The following CYTH3 variants were observed in gnomAD, a reference collection of about 807,000 sequenced individuals.
CYTH3 encodes the protein cytohesin-3.
A neutral mutation model predicts 55.1 loss-of-function variants in CYTH3; 23 were observed. The observed-to-expected ratio is 0.42, with a 90% confidence interval of 0.30 to 0.59. The LOEUF is 0.59. Ranked by LOEUF, CYTH3 falls within the 20% of genes least tolerant of loss-of-function variation. CYTH3 has a pLI of 0.20. For missense variants in CYTH3, 413 were observed against 524.8 expected (o/e 0.79, Z 2.08); for synonymous variants, 249 against 194.9 (o/e 1.28, Z -2.31).
At chr7:6,259,367 T>G (rs1780218659) in intron 1 of CYTH3, among the ~76,000 whole-genome samples, 1 of 152,148 alleles carries the variant, frequency 6.6e-6, no homozygotes, top group Admixed American at 6.5e-5. Flanking sequence ...ACTTTTATTC[T>G]CTCCTATTTG....
At chr7:6,262,709 A>T (rs1222281949) in intron 1 of CYTH3, among the ~76,000 whole-genome samples, 2 of 152,208 alleles carry the variant, frequency 1.3e-5, no homozygotes, top group African/African-American at 4.8e-5. Context: ...AAAAACTGCA[A>T]TAAATTAACT....
At chr7:6,215,079 T>C (rs1290237301) in intron 1 of CYTH3, among the ~76,000 whole-genome samples, 1 of 152,200 alleles carries the variant, frequency 6.6e-6, no homozygotes, top group Non-Finnish European at 1.5e-5. Context: ...CTCTGAGAAT[T>C]CTGTTACTTC....
At chr7:6,243,785 T>A (rs1254241213) in intron 1 of CYTH3, among the ~76,000 whole-genome samples, 1 of 152,182 alleles carries the variant, frequency 6.6e-6, no homozygotes, top group Non-Finnish European at 1.5e-5. Context: ...TGTCTTAAAG[T>A]AACTAACACC....
At chr7:6,242,862 G>A (rs368530958) in intron 1 of CYTH3, among the ~76,000 whole-genome samples, 18 of 152,206 alleles carry the variant, frequency 1.2e-4, no homozygotes, top group African/African-American at 4.3e-4. Context: ...GGCAGTCCCT[G>A]TGCTGGGACC....
chr7:6,226,185 G>T (rs1215737238), intron 1 of CYTH3, among the ~76,000 whole-genome samples: 5 of 152,020 alleles, frequency 3.3e-5, no homozygotes, highest in Non-Finnish European at 7.4e-5. Flanking sequence ...AAAACTGAAG[G>T]GCTCTGAGAG....
intron 1 of CYTH3, among the ~76,000 whole-genome samples, chr7:6,260,052 C>T (rs987377201): frequency 6.7e-6 from 1 of 150,370 alleles, no homozygotes; most frequent in Non-Finnish European, 1.5e-5. Context: ...TGGTGTGGAA[C>T]TCCCAACCTC....
chr7:6,250,298 G>C (rs949233844), intron 1 of CYTH3, among the ~76,000 whole-genome samples: 2 of 152,134 alleles, frequency 1.3e-5, no homozygotes, highest in African/African-American at 2.4e-5. Flanking sequence ...CAATAGCAAG[G>C]ATTTGATGTG....
intron 1 of CYTH3, among the ~76,000 whole-genome samples, chr7:6,240,554 G>T (rs923926799): frequency 6.6e-6 from 1 of 152,100 alleles, no homozygotes; most frequent in African/African-American, 2.4e-5. Flanking sequence ...GACTCAGATG[G>T]TACTTTAATA....
intron 1 of CYTH3, among the ~76,000 whole-genome samples, chr7:6,261,587 G>A (rs761735712): frequency 1.3e-5 from 2 of 149,536 alleles, no homozygotes; most frequent in African/African-American, 4.9e-5. Context: ...ATGGTGGCAT[G>A]TGCCTGTAGT....
intron 4 of CYTH3, among the ~76,000 whole-genome samples, chr7:6,180,130 T>C (rs1783469396): frequency 6.6e-6 from 1 of 152,146 alleles, no homozygotes; most frequent in Non-Finnish European, 1.5e-5. Context: ...CAGGACACCC[T>C]GAGGGATCAC....
chr7:6,165,227 C>T lies in CYTH3; in HGVS notation c.1127+46G>A, dbSNP rs199632916. 188 of 1,582,092 alleles carry T rather than the reference C, an allele frequency of 1.2e-4. No homozygotes were observed. The Admixed American group carries it at 2.0e-3, about 17-fold the overall frequency. On this transcript the variant is annotated intron_variant, in intron 12 of 12. Transcript: ENST00000350796. ...TCCAGACCATCCCCCGCCCTCCAAC[C>T]GGCACGAGAAGACGGGCCTGGCCCC... is the stretch of plus-strand genomic sequence containing the variant.
At position 6,179,713 on chromosome 7, in the gene CYTH3, CCCACACA is replaced by C. The variant is rs1348796363; in HGVS notation, c.250-1779_250-1773del. ...CCCCACACACACACCCCACACACAC[CCCACACA>C]CCACACACACACACCCACCACACAC... On this transcript the variant is annotated intron_variant, in intron 4 of 12. Transcript: ENST00000350796. 1.5e-4 allele frequency among the ~76,000 whole-genome samples: 16 copies of C among 107,292 alleles called. No individual in the cohort carries two copies. In the East Asian group the frequency reaches 2.6e-3, roughly 17 times the overall value. 70.4% of individuals were successfully genotyped at this position (107,292 alleles called of 152,430 possible).
rs146958830 is a variant in CYTH3 at position 6,230,627 on chromosome 7, C to T, written c.35-40096G>A. Among the ~76,000 whole-genome samples the T allele has an allele frequency of 1.4e-3, 215 of 152,290 alleles. 2 individuals are homozygous for T. The highest frequency in any genetic ancestry group is 4.9e-3 in the African/African-American group (205 of 41,550). ...CCACAATACTAGACACAGCAAGTTT[C>T]ATGCCACGGATCCAATGCAGCCACA... On this transcript the variant is annotated intron_variant, in intron 1 of 12. Transcript: ENST00000350796.
At chr7:6,259,796 TA>T (rs1253319817) in intron 1 of CYTH3, among the ~76,000 whole-genome samples, 31 of 21,814 alleles carry the variant, frequency 1.4e-3, no homozygotes, top group African/African-American at 0.013. Flanking sequence ...TATATATATA[TA>T]TATATATATA....
chr7:6,240,062 T>A (rs961480681), intron 1 of CYTH3, among the ~76,000 whole-genome samples: 1 of 152,130 alleles, frequency 6.6e-6, no homozygotes, highest in Non-Finnish European at 1.5e-5. Context: ...TCCCAGCACT[T>A]TGGGAGGCCA....
At chr7:6,270,848 G>C (rs907698698) in intron 1 of CYTH3, among the ~76,000 whole-genome samples, 1 of 152,074 alleles carries the variant, frequency 6.6e-6, no homozygotes, top group Non-Finnish European at 1.5e-5. Context: ...CAAATTGCTG[G>C]AGCACATTAA....
chr7:6,188,091 T>G (rs567047816), intron 2 of CYTH3, among the ~76,000 whole-genome samples: 2 of 151,860 alleles, frequency 1.3e-5, no homozygotes, highest in South Asian at 4.2e-4. Context: ...TTTTGGGAGG[T>G]TGAAGCAGAG....
intron 1 of CYTH3, among the ~76,000 whole-genome samples, chr7:6,228,959 C>T (rs566645630): frequency 6.6e-6 from 1 of 152,222 alleles, no homozygotes; most frequent in South Asian, 2.1e-4. Context: ...TGTCCGAGCC[C>T]CTTTATTCTG....
At chr7:6,257,252 C>A (rs953528075) in intron 1 of CYTH3, among the ~76,000 whole-genome samples, 1 of 152,140 alleles carries the variant, frequency 6.6e-6, no homozygotes, top group Non-Finnish European at 1.5e-5. Context: ...TGTGAACAGG[C>A]CAAACATTCA....
Sources: allele counts gnomAD v4.1 joint callset (sites outside exome capture counted in the v4.1 genomes callset), GRCh38; gene constraint gnomAD v4.1.1; transcripts MANE v1.5; gene names NCBI Gene and HGNC (gene_info 2026-07-23, HGNC 2026-07-21).